TNPO3: variants seen among roughly 807,000 people sequenced by gnomAD.
The protein encoded by TNPO3 is transportin 3, also known as transportin-3.
In TNPO3, 65 loss-of-function variants were observed where a neutral mutation model predicts 122.8. That is an observed-to-expected ratio of 0.53 (90% CI 0.43 to 0.65). The LOEUF (loss-of-function observed/expected upper bound fraction) is 0.65. Ranked by LOEUF, TNPO3 falls within the 30% of genes least tolerant of loss-of-function variation. TNPO3 has a pLI of 0.00. For synonymous variants in TNPO3, 372 were observed against 411.2 expected, an observed-to-expected ratio of 0.90 and a Z score of 1.15; for missense variants, 850 against 1,136.7, an observed-to-expected ratio of 0.75 and a Z score of 3.63.
intron 14 of TNPO3, 116 bp downstream of exon 14, chr7:128,982,132 T>C: frequency 6.1e-6 from 5 of 824,722 alleles, no homozygotes; most frequent in Non-Finnish European, 9.3e-6. Flanking sequence ...TTAATTAGTC[T>C]CCAAACATAG....
At position 128,975,886 on chromosome 7, in the gene TNPO3, C is replaced by A. The variant is rs1799005636; in HGVS notation, c.2111G>T (p.Gly704Val). 1.2e-6 allele frequency: 2 copies of A among 1,613,944 alleles called. No homozygotes were observed. The highest frequency in any genetic ancestry group is 1.7e-6 in the Non-Finnish European group (2 of 1,179,976). ...GCCATATTCATCCACAAGGATACTG[C>A]CAAGGTACAGGAAGCAGGAATGCTG... ...VHQHSCFLYL[G>V]SILVDEYGME... Residue 704 changes from glycine (G) to valine (V), a missense_variant, in exon 17 of 23, where the codon GGC becomes GTC. Coordinates refer to ENST00000265388, the MANE Select transcript of TNPO3 (RefSeq NM_012470.4).
rs747618701 is a variant in TNPO3, at chr7:129,005,049, G to A, written c.663C>T (p.Asn221=). ...LGVLDSNFMA[N]NKLLALLFEV... ...CAAAAAGGAGTGCTAGTAATTTATT[G>A]TTAGCCATGAAGTTACTGTCCAAAA... is the stretch of plus-strand genomic sequence containing the variant. Residue 221 remains asparagine, a synonymous_variant, in exon 5 of 23, where the codon AAC becomes AAT. Coordinates refer to ENST00000265388, the MANE Select transcript of TNPO3 (RefSeq NM_012470.4). The A allele has an allele frequency of 1.2e-6, 2 of 1,613,576 alleles. No individual in the cohort carries two copies. The highest frequency in any genetic ancestry group is 1.1e-5 in the South Asian group (1 of 90,980).
chr7:128,960,624 T>A (rs1233374395), intron 21 of TNPO3, among the ~76,000 whole-genome samples: 4 of 151,330 alleles, frequency 2.6e-5, no homozygotes, highest in Non-Finnish European at 5.9e-5. Context: ...TATAAAGATA[T>A]AAAGAAAAAA....
At chr7:129,009,905 G>GAA (rs56124540) in intron 4 of TNPO3, among the ~76,000 whole-genome samples, 6,748 of 152,112 alleles carry the variant, frequency 0.044, 204 homozygotes, top group Middle Eastern at 0.1. Flanking sequence ...CTTCTCATGT[G>GAA]AAAGTTAGGA....
chr7:128,974,170 T>C (rs1050213264), intron 18 of TNPO3, among the ~76,000 whole-genome samples: 5 of 150,984 alleles, frequency 3.3e-5, no homozygotes, highest in African/African-American at 9.8e-5. Context: ...TGAGAGTCCA[T>C]CTCAAAAAAG....
At position 129,053,482 on chromosome 7, in the gene TNPO3, G is replaced by A. The variant is rs1255315525; in HGVS notation, c.120+1169C>T. ...TGCACTCCAGCCTGGGCGACAAAGC[G>A]AGACTCTGTCTCAAAAAAAAAAAAA... is the stretch of plus-strand genomic sequence containing the variant. On this transcript the variant is annotated intron_variant, in intron 1 of 22. Coordinates refer to ENST00000265388, the MANE Select transcript of TNPO3 (RefSeq NM_012470.4). 4.3e-5 allele frequency among the ~76,000 whole-genome samples: 6 copies of A among 140,398 alleles called. No individual in the cohort carries two copies. In the East Asian group the frequency reaches 6.2e-4, roughly 14 times the overall value. 92.1% of individuals were successfully genotyped at this position (140,398 alleles called of 152,430 possible).
chr7:129,000,392 T>C (rs1038072077), intron 7 of TNPO3, 37 bp downstream of exon 7: 84 of 1,547,036 alleles, frequency 5.4e-5, no homozygotes, highest in Non-Finnish European at 7.4e-5. Context: ...AGCACACAAC[T>C]TGGAGAATAA....
intron 19 of TNPO3, among the ~76,000 whole-genome samples, chr7:128,971,547 C>T (rs991594434): frequency 6.6e-6 from 1 of 152,116 alleles, no homozygotes; most frequent in African/African-American, 2.4e-5. Flanking sequence ...CTTTTACTGC[C>T]AAACTTCTTA....
intron 8 of TNPO3, 24 bp downstream of exon 8, chr7:128,997,365 G>A (rs1042358395): frequency 9.3e-6 from 15 of 1,609,816 alleles, no homozygotes; most frequent in Non-Finnish European, 1.3e-5. Flanking sequence ...ATTAAGATTT[G>A]AAGAGGTAGA....
chr7:129,031,747 T>C (rs1480621456), intron 1 of TNPO3, among the ~76,000 whole-genome samples: 1 of 152,168 alleles, frequency 6.6e-6, no homozygotes, highest in East Asian at 1.9e-4. Flanking sequence ...AAAAGAAAAT[T>C]ACAGACTAAT....
At chr7:129,004,952 C>T in intron 5 of TNPO3, 64 bp downstream of exon 5, 1 of 1,529,510 alleles carries the variant, frequency 6.5e-7, no homozygotes, top group South Asian at 1.2e-5. Flanking sequence ...GTTTTTATGT[C>T]CCAGCAGGTT....
intron 11 of TNPO3, 138 bp from the exon 12 acceptor site, chr7:128,987,058 C>T (rs1386692493): frequency 1.2e-6 from 1 of 831,292 alleles, no homozygotes; most frequent in African/African-American, 1.8e-5. Context: ...TTCAGAACCA[C>T]AATAAATAAA....
At chr7:128,970,020 C>T in intron 20 of TNPO3, 128 bp downstream of exon 20, 3 of 992,020 alleles carry the variant, frequency 3.0e-6, no homozygotes, top group South Asian at 3.0e-5. Flanking sequence ...TCTAATTTGG[C>T]AATATGCCTA....
At chr7:128,992,211 A>C (rs1265019483) in intron 9 of TNPO3, 121 bp from the exon 10 acceptor site, 3 of 515,802 alleles carry the variant, frequency 5.8e-6, no homozygotes, top group Non-Finnish European at 1.0e-5. Context: ...ATTACCTCTC[A>C]AGCCAGATGA....
At chr7:128,979,920 T>C (rs1313261492) in intron 15 of TNPO3, 51 bp downstream of exon 15, 6 of 1,555,654 alleles carry the variant, frequency 3.9e-6, no homozygotes, top group African/African-American at 1.4e-5. Flanking sequence ...CAAAGCCCTG[T>C]AAGGAAAAAA....
chr7:129,030,910 G>A (rs11762968), intron 1 of TNPO3, among the ~76,000 whole-genome samples: 73,831 of 152,026 alleles, frequency 0.49, 18,139 homozygotes, highest in African/African-American at 0.5. Flanking sequence ...AAAGCTTAGT[G>A]TTGTGACCTA....
intron 4 of TNPO3, among the ~76,000 whole-genome samples, chr7:129,012,092 G>A (rs746578475): frequency 2.8e-5 from 4 of 140,536 alleles, no homozygotes; most frequent in East Asian, 2.1e-4. Flanking sequence ...TGCAACCTCC[G>A]CCTCCCAGGT....
Position 128,955,283 on chromosome 7 carries a change from C to G in TNPO3, c.*134G>C, listed in dbSNP as rs554207987. ...GAGTCTCTCCCTGTCTGGCGGGACA[C>G]CCTGGTGGCGGTGAAGGCCCCTCTG... is the stretch of plus-strand genomic sequence containing the variant. On this transcript the variant is annotated 3_prime_UTR_variant, in exon 23 of 23. Coordinates refer to ENST00000265388, the MANE Select transcript of TNPO3 (RefSeq NM_012470.4). 2.2e-6 allele frequency: 1 copy of G among 454,716 alleles called. No individual in the cohort carries two copies. The highest frequency in any genetic ancestry group is 4.4e-6 in the Non-Finnish European group (1 of 226,784). 28.2% of individuals were successfully genotyped at this position (454,716 alleles called of 1,614,324 possible).
At chr7:128,970,389 T>C in intron 19 of TNPO3, 74 bp from the exon 20 acceptor site, 1 of 1,425,754 alleles carries the variant, frequency 7.0e-7, no homozygotes, top group Non-Finnish European at 9.5e-7. Context: ...TCTTTCCCCT[T>C]TAGTAATTTC....
Sources: allele counts gnomAD v4.1 joint callset (sites outside exome capture counted in the v4.1 genomes callset), GRCh38; gene constraint gnomAD v4.1.1; transcripts MANE v1.5; gene names NCBI Gene and HGNC (gene_info 2026-07-23, HGNC 2026-07-21).